ZMYM2: variants seen among roughly 807,000 people sequenced by gnomAD.
The protein encoded by ZMYM2 is zinc finger MYM-type containing 2.
Under a neutral mutation model 162.8 loss-of-function variants are expected in ZMYM2, and 56 were observed. The observed-to-expected ratio is 0.34, with a 90% CI of 0.28 to 0.43. The LOEUF (loss-of-function observed/expected upper bound fraction) is 0.43. ZMYM2 is among the 20% of genes least tolerant of loss of function. The probability of loss-of-function intolerance (pLI) is 1.00; values close to 1 mark genes in which losing one functional copy is unlikely to be tolerated. For synonymous variants in ZMYM2, 510 were observed against 541.6 expected (o/e 0.94, Z 0.81); for missense variants, 1,275 against 1,621.8 (o/e 0.79, Z 3.67).
intron 9 of ZMYM2, among the ~76,000 whole-genome samples, chr13:20,028,955 A>G (rs1450463475): frequency 6.6e-6 from 1 of 152,218 alleles, no homozygotes; most frequent in Non-Finnish European, 1.5e-5. Flanking sequence ...AAATAATACA[A>G]AATTGACAGA....
the ZMYM2 span, among the ~76,000 whole-genome samples, chr13:19,913,874 T>G: frequency 6.6e-6 from 1 of 152,166 alleles, no homozygotes; most frequent in Non-Finnish European, 1.5e-5. Context: ...TGCATCTATG[T>G]TGATAGAGGA....
intron 6 of ZMYM2, among the ~76,000 whole-genome samples, chr13:20,012,593 G>C (rs1283711970): frequency 1.3e-5 from 2 of 152,208 alleles, no homozygotes; most frequent in African/African-American, 4.8e-5. Flanking sequence ...TTTCCTCTAA[G>C]AGTTGTATGA....
At chr13:19,906,002 C>T in the ZMYM2 span, among the ~76,000 whole-genome samples, 4 of 151,450 alleles carry the variant, frequency 2.6e-5, no homozygotes, top group Non-Finnish European at 4.4e-5. Flanking sequence ...ATGGGCCGGG[C>T]GTGGTGGTGA....
the ZMYM2 span, among the ~76,000 whole-genome samples, chr13:19,877,834 AATG>A: frequency 6.6e-6 from 1 of 152,162 alleles, no homozygotes; most frequent in Admixed American, 6.6e-5. Flanking sequence ...AGCTACTGTG[AATG>A]ATGCTGCTAT....
At chr13:19,925,443 T>C in the ZMYM2 span, among the ~76,000 whole-genome samples, 2 of 152,226 alleles carry the variant, frequency 1.3e-5, no homozygotes, top group Admixed American at 1.3e-4. Context: ...TAGTAATAGA[T>C]TTTAAATATT....
the ZMYM2 span, among the ~76,000 whole-genome samples, chr13:19,917,911 T>C: frequency 6.6e-6 from 1 of 151,788 alleles, no homozygotes; most frequent in Non-Finnish European, 1.5e-5. Context: ...ATACAAAGAT[T>C]AGCTGGGCAT....
intron 12 of ZMYM2, among the ~76,000 whole-genome samples, chr13:20,049,849 C>T (rs765439425): frequency 3.3e-5 from 5 of 151,876 alleles, no homozygotes; most frequent in Non-Finnish European, 5.9e-5. Flanking sequence ...CTGCATTGTT[C>T]GGAATCAGTG....
intron 9 of ZMYM2, among the ~76,000 whole-genome samples, chr13:20,030,556 C>G (rs1342043745): frequency 6.6e-5 from 10 of 152,070 alleles, no homozygotes; most frequent in South Asian, 4.2e-4. Flanking sequence ...CTGCCACCAC[C>G]CCCAGCTAAT....
intron 21 of ZMYM2, among the ~76,000 whole-genome samples, chr13:20,077,364 A>G (rs1007402506): frequency 1.3e-5 from 2 of 150,710 alleles, no homozygotes; most frequent in Non-Finnish European, 2.9e-5. Context: ...TACTTGCCCA[A>G]GTTACACAGC....
At chr13:20,033,466 C>A (rs1308999225) in intron 10 of ZMYM2, among the ~76,000 whole-genome samples, 1 of 152,152 alleles carries the variant, frequency 6.6e-6, no homozygotes, top group Non-Finnish European at 1.5e-5. Context: ...ATTACATAGT[C>A]ATAATGGGGC....
chr13:20,005,612 A>G (rs1294738470), intron 5 of ZMYM2, among the ~76,000 whole-genome samples: 4 of 152,228 alleles, frequency 2.6e-5, no homozygotes, highest in Non-Finnish European at 5.9e-5. Context: ...GCTGAGAAGT[A>G]GAACGATTGG....
chr13:19,885,889 A>ATGTGTATACACACAAATG, the ZMYM2 span, among the ~76,000 whole-genome samples: 3 of 33,278 alleles, frequency 9.0e-5, no homozygotes, highest in African/African-American at 2.0e-4. Context: ...ACACATATAT[A>ATGTGTATACACACAAATG]TGTGTATACA....
the ZMYM2 span, among the ~76,000 whole-genome samples, chr13:19,881,373 G>A: frequency 2.0e-5 from 3 of 151,976 alleles, no homozygotes; most frequent in Non-Finnish European, 4.4e-5. Context: ...TGTAATCCCA[G>A]CACTCTGGGA....
At chr13:20,003,814 A>G (rs1180840707) in intron 4 of ZMYM2, among the ~76,000 whole-genome samples, 1 of 151,180 alleles carries the variant, frequency 6.6e-6, no homozygotes, top group African/African-American at 2.4e-5. Context: ...ATGCCCAGCT[A>G]ATTTTTGTAT....
chr13:20,046,246 A>G (rs1954769227), intron 12 of ZMYM2, among the ~76,000 whole-genome samples: 1 of 151,608 alleles, frequency 6.6e-6, no homozygotes, highest in African/African-American at 2.4e-5. Flanking sequence ...ACCCTGTCTC[A>G]AAAAGGAAAA....
intron 21 of ZMYM2, among the ~76,000 whole-genome samples, chr13:20,075,420 T>TTTTG (rs556395793): frequency 2.6e-5 from 4 of 152,082 alleles, no homozygotes; most frequent in Middle Eastern, 3.2e-3. Context: ...TTTTTTCTTG[T>TTTTG]TTTGTTTGTT....
intron 21 of ZMYM2, among the ~76,000 whole-genome samples, chr13:20,076,803 T>C (rs1345468373): frequency 6.6e-6 from 1 of 150,522 alleles, no homozygotes; most frequent in Non-Finnish European, 1.5e-5. Context: ...GCTTATTTAA[T>C]CCTTATTCAG....
At chr13:20,062,234 A>C (rs1956285846) in intron 17 of ZMYM2, among the ~76,000 whole-genome samples, 1 of 152,236 alleles carries the variant, frequency 6.6e-6, no homozygotes, top group Admixed American at 6.5e-5. Context: ...GAAAAAGCTA[A>C]GTGGAATAGG....
chr13:19,988,571 C>T (rs1949361986), intron 2 of ZMYM2, among the ~76,000 whole-genome samples: 2 of 152,060 alleles, frequency 1.3e-5, no homozygotes, highest in Admixed American at 1.3e-4. Flanking sequence ...ATCACGAGGT[C>T]AAGAGATCAA....
Sources: gnomAD v4.1 joint callset for allele counts (sites outside exome capture counted in the v4.1 genomes callset) on GRCh38, gnomAD v4.1.1 for gene constraint, MANE v1.5 for transcripts, NCBI Gene and HGNC (gene_info 2026-07-23, HGNC 2026-07-21) for gene names.